The following C8orf34 variants were observed in gnomAD, a reference collection of about 807,000 sequenced individuals.
C8orf34 encodes the protein chromosome 8 open reading frame 34, also known as uncharacterized protein C8orf34.
C8orf34 carries 65 observed loss-of-function variants against 68.3 expected under a neutral mutation model. The ratio of observed to expected loss-of-function variants is 0.95; its 90% CI spans 0.78 to 1.17. The LOEUF (loss-of-function observed/expected upper bound fraction) is 1.17, where lower values mean the gene tolerates loss of function less well. C8orf34 is among the 50% of genes most tolerant of loss of function. C8orf34 has a pLI of 0.00. For synonymous variants in C8orf34, 244 were observed against 241.2 expected, an observed-to-expected ratio of 1.01 and a Z score of -0.11; for missense variants, 664 against 655.4, an observed-to-expected ratio of 1.01 and a Z score of -0.14.
intron 2 of C8orf34, among the ~76,000 whole-genome samples, chr8:68,443,898 T>C (rs1455905842): frequency 6.6e-6 from 1 of 152,196 alleles, no homozygotes; most frequent in Non-Finnish European, 1.5e-5. Flanking sequence ...CTTATTTTTA[T>C]TCCTTTGTGG....
intron 8 of C8orf34, among the ~76,000 whole-genome samples, chr8:68,683,965 G>A (rs982033645): frequency 6.6e-6 from 1 of 152,134 alleles, no homozygotes; most frequent in Non-Finnish European, 1.5e-5. Flanking sequence ...CTCTTCTCAA[G>A]ATAGGCTCAT....
At chr8:68,487,974 T>C in intron 4 of C8orf34, 49 bp from the exon 5 acceptor site, 2 of 1,312,070 alleles carry the variant, frequency 1.5e-6, no homozygotes, top group Non-Finnish European at 2.2e-6. Flanking sequence ...ATTAGGTTAC[T>C]AAAGATTGCT....
chr8:68,515,522 C>T (rs1412602773), intron 5 of C8orf34, among the ~76,000 whole-genome samples: 1 of 152,022 alleles, frequency 6.6e-6, no homozygotes, highest in African/African-American at 2.4e-5. Flanking sequence ...GATCTTATGT[C>T]CTTGCACTCC....
chr8:68,482,424 G>A (rs899722079), intron 4 of C8orf34, among the ~76,000 whole-genome samples: 5 of 152,108 alleles, frequency 3.3e-5, no homozygotes, highest in African/African-American at 1.2e-4. Flanking sequence ...TCTATATAAA[G>A]GGTGTTTTTT....
At chr8:68,614,838 A>C (rs960156659) in intron 7 of C8orf34, among the ~76,000 whole-genome samples, 1 of 152,288 alleles carries the variant, frequency 6.6e-6, no homozygotes, top group African/African-American at 2.4e-5. Context: ...AGTCATTGGT[A>C]GCTTGATGGG....
At chr8:68,439,744 T>G (rs1358942429) in intron 2 of C8orf34, 98 bp downstream of exon 2, 1 of 1,231,020 alleles carries the variant, frequency 8.1e-7, no homozygotes, top group East Asian at 2.5e-5. Context: ...AGATAGATAG[T>G]TACCAAAGGT....
At chr8:68,737,382 C>G (rs570587671) in intron 10 of C8orf34, among the ~76,000 whole-genome samples, 1 of 152,022 alleles carries the variant, frequency 6.6e-6, no homozygotes, top group Non-Finnish European at 1.5e-5. Flanking sequence ...TTTATCATAG[C>G]TCTCCACTGC....
chr8:68,446,535 T>A, intron 3 of C8orf34, 75 bp downstream of exon 3: 1 of 1,475,394 alleles, frequency 6.8e-7, no homozygotes, highest in Non-Finnish European at 9.2e-7. Flanking sequence ...GAAAAGGTAT[T>A]AATTGAAGCC....
intron 7 of C8orf34, among the ~76,000 whole-genome samples, chr8:68,636,135 G>A (rs535356457): frequency 6.2e-4 from 94 of 152,264 alleles, no homozygotes; most frequent in African/African-American, 2.1e-3. Flanking sequence ...ACTATCTTAT[G>A]CAATTGGTTT....
At chr8:68,776,667 C>T (rs1319288296) in intron 11 of C8orf34, among the ~76,000 whole-genome samples, 2 of 152,126 alleles carry the variant, frequency 1.3e-5, no homozygotes, top group South Asian at 2.1e-4. Flanking sequence ...TGATCCTGAA[C>T]ATGAAAGTAA....
intron 5 of C8orf34, among the ~76,000 whole-genome samples, chr8:68,492,754 C>T (rs1275569573): frequency 3.3e-5 from 5 of 151,978 alleles, no homozygotes; most frequent in African/African-American, 1.2e-4. Flanking sequence ...TAAGTTCCAG[C>T]CTCCCTAGTC....
chr8:68,411,015 G>A (rs114655593), intron 1 of C8orf34, among the ~76,000 whole-genome samples: 250 of 152,282 alleles, frequency 1.6e-3, no homozygotes, highest in African/African-American at 5.5e-3. Context: ...CTGCTCTGAT[G>A]TAACTGTCAG....
At chr8:68,471,062 C>T (rs1812359048) in intron 4 of C8orf34, among the ~76,000 whole-genome samples, 1 of 151,976 alleles carries the variant, frequency 6.6e-6, no homozygotes, top group Admixed American at 6.6e-5. Context: ...AGGTATAGGA[C>T]ATTACTCTTG....
intron 11 of C8orf34, among the ~76,000 whole-genome samples, chr8:68,780,830 T>G (rs373038383): frequency 5.1e-4 from 77 of 152,228 alleles, no homozygotes; most frequent in African/African-American, 1.7e-3. Context: ...AACAAGAAAG[T>G]TATTTACAAA....
chr8:68,524,270 G>A (rs1029206942), intron 6 of C8orf34, among the ~76,000 whole-genome samples: 7 of 152,120 alleles, frequency 4.6e-5, no homozygotes, highest in Non-Finnish European at 1.0e-4. Context: ...AGTCTTATGC[G>A]TAGAAGCTTA....
At chr8:68,395,361 T>A (rs1850387) in intron 1 of C8orf34, among the ~76,000 whole-genome samples, 7 of 77,714 alleles carry the variant, frequency 9.0e-5, no homozygotes, top group East Asian at 3.0e-4. Flanking sequence ...TGTGTGTCTC[T>A]CACACACACA....
In C8orf34 at chr8:68,728,731, T is replaced by C. The variant is rs1585791046; in HGVS notation, c.1404+7294T>C. ...TTCAATAACCACCCCCTTGATCCCT[T>C]CAACAACATGTGGGAATTCTGAGAG... On this transcript the variant is annotated intron_variant, in intron 10 of 13. Coordinates refer to ENST00000518698, the MANE Select transcript of C8orf34 (RefSeq NM_052958.4). Among the ~76,000 whole-genome samples the C allele has an allele frequency of 2.0e-5, 3 of 152,296 alleles. No homozygotes were observed. The South Asian group carries it at 6.2e-4, about 32-fold the overall frequency.
At chr8:68,439,787 C>T in intron 2 of C8orf34, 141 bp downstream of exon 2, 1 of 683,824 alleles carries the variant, frequency 1.5e-6, no homozygotes, top group Non-Finnish European at 2.3e-6. Context: ...TACCTAGATG[C>T]TAAAATTTGT....
At chr8:68,815,522 G>C (rs1190962121) in intron 12 of C8orf34, among the ~76,000 whole-genome samples, 1 of 152,162 alleles carries the variant, frequency 6.6e-6, no homozygotes, top group Non-Finnish European at 1.5e-5. Context: ...GCAGTCTGCA[G>C]AGCAGACCAT....
Sources: gnomAD v4.1 joint callset for allele counts (sites outside exome capture counted in the v4.1 genomes callset) on GRCh38, gnomAD v4.1.1 for gene constraint, MANE v1.5 for transcripts, NCBI Gene and HGNC (gene_info 2026-07-23, HGNC 2026-07-21) for gene names.